PARD3: variants seen among roughly 807,000 people sequenced by gnomAD.
PARD3 encodes the protein partitioning defective 3 homolog.
A neutral mutation model predicts 155.4 loss-of-function variants in PARD3; 75 were observed. The ratio of observed to expected loss-of-function variants is 0.48; its 90% CI spans 0.40 to 0.58. The LOEUF is 0.58. Among genes scored for constraint, PARD3 ranks in the 20% least tolerant of loss-of-function variants. The pLI, the probability that PARD3 is intolerant of heterozygous loss-of-function variation, is 0.00. For missense variants in PARD3, 1,642 were observed against 1,721.7 expected (o/e 0.95, Z 0.82); for synonymous variants, 576 against 610.5 (o/e 0.94, Z 0.83).
chr10:34,227,983 T>C (rs1372314174), intron 22 of PARD3, among the ~76,000 whole-genome samples: 4 of 149,916 alleles, frequency 2.7e-5, no homozygotes, highest in Admixed American at 6.6e-5. Flanking sequence ...CATAGCACTA[T>C]TTACAATAGC....
intron 15 of PARD3, 35 bp from the exon 16 acceptor site, chr10:34,341,851 G>C: frequency 7.4e-7 from 1 of 1,344,494 alleles, no homozygotes; most frequent in Non-Finnish European, 1.0e-6. Context: ...GAAAATTCTA[G>C]ACATCGATCA....
intron 2 of PARD3, among the ~76,000 whole-genome samples, chr10:34,574,195 A>G (rs2086704773): frequency 6.6e-6 from 1 of 152,212 alleles, no homozygotes; most frequent in Admixed American, 6.5e-5. Context: ...TTTACAAAAT[A>G]TTGATTATAA....
intron 22 of PARD3, among the ~76,000 whole-genome samples, chr10:34,212,681 G>A (rs1200128662): frequency 1.3e-5 from 2 of 150,928 alleles, no homozygotes; most frequent in East Asian, 2.0e-4. Flanking sequence ...TCTGAGGGGG[G>A]CAAAGGCCGC....
At chr10:34,301,050 T>C (rs1957123207) in intron 20 of PARD3, among the ~76,000 whole-genome samples, 1 of 152,258 alleles carries the variant, frequency 6.6e-6, no homozygotes, top group Admixed American at 6.5e-5. Flanking sequence ...GTCATTTCTA[T>C]TGCTCAAAAA....
chr10:34,617,381 C>A (rs1417146262), intron 2 of PARD3, among the ~76,000 whole-genome samples: 1 of 152,072 alleles, frequency 6.6e-6, no homozygotes, highest in Non-Finnish European at 1.5e-5. Flanking sequence ...AAAATTACAG[C>A]TAGATAGGAA....
intron 1 of PARD3, among the ~76,000 whole-genome samples, chr10:34,716,585 C>CTTTTTTTTTTTTTTTTTTTTTTTTTTT: frequency 1.4e-5 from 1 of 73,248 alleles, no homozygotes; most frequent in Non-Finnish European, 2.5e-5. Context: ...GATGGCTTTT[C>CTTTTTTTTTTTTTTTTTTTTTTTTTTT]TTTTTTTTTT....
At chr10:34,221,342 T>C (rs2133474527) in intron 22 of PARD3, among the ~76,000 whole-genome samples, 1 of 151,118 alleles carries the variant, frequency 6.6e-6, no homozygotes, top group East Asian at 2.0e-4. Context: ...GCAGAGGTGC[T>C]GAGAGCCTCA....
intron 1 of PARD3, among the ~76,000 whole-genome samples, chr10:34,814,514 C>T (rs1411438523): frequency 6.6e-6 from 1 of 152,098 alleles, no homozygotes; most frequent in Non-Finnish European, 1.5e-5. Flanking sequence ...ATTTCCCGGC[C>T]TGCGCCCCCC....
intron 12 of PARD3, among the ~76,000 whole-genome samples, chr10:34,364,111 C>T (rs912165070): frequency 6.6e-6 from 1 of 152,098 alleles, no homozygotes; most frequent in Non-Finnish European, 1.5e-5. Flanking sequence ...CCCAAATCCA[C>T]AGTTAATCTG....
intron 20 of PARD3, among the ~76,000 whole-genome samples, chr10:34,296,157 C>T (rs559922382): frequency 2.0e-5 from 3 of 152,280 alleles, no homozygotes; most frequent in Admixed American, 6.5e-5. Context: ...TAGATTTACA[C>T]ATTAAGAGTT....
chr10:34,494,112 C>T (rs993907381), intron 3 of PARD3, among the ~76,000 whole-genome samples: 4 of 152,212 alleles, frequency 2.6e-5, no homozygotes, highest in African/African-American at 9.6e-5. Context: ...TCCCTACTCT[C>T]CCGTAGTCAC....
chr10:34,721,706 A>C (rs1272139575), intron 1 of PARD3, among the ~76,000 whole-genome samples: 4 of 152,242 alleles, frequency 2.6e-5, no homozygotes, highest in African/African-American at 9.6e-5. Flanking sequence ...AATTATGATA[A>C]AAATAAAGTG....
At chr10:34,498,741 C>A (rs1233123818) in intron 3 of PARD3, among the ~76,000 whole-genome samples, 1 of 152,062 alleles carries the variant, frequency 6.6e-6, no homozygotes, top group Non-Finnish European at 1.5e-5. Context: ...TGCACCACTG[C>A]ACTCCAGCCT....
intron 1 of PARD3, among the ~76,000 whole-genome samples, chr10:34,799,088 C>G (rs1212668278): frequency 6.6e-6 from 1 of 152,194 alleles, no homozygotes; most frequent in Non-Finnish European, 1.5e-5. Flanking sequence ...GTCACTCAGG[C>G]TGAAGTGCAG....
At chr10:34,415,805 G>A (rs2132356695) in intron 5 of PARD3, among the ~76,000 whole-genome samples, 1 of 152,208 alleles carries the variant, frequency 6.6e-6, no homozygotes, top group Middle Eastern at 3.4e-3. Context: ...ATTGCTATTT[G>A]GTGTTTTACA....
intron 2 of PARD3, among the ~76,000 whole-genome samples, chr10:34,668,704 G>A (rs1482556088): frequency 6.6e-6 from 1 of 152,138 alleles, no homozygotes; most frequent in African/African-American, 2.4e-5. Flanking sequence ...CAGGCACAGT[G>A]GCTCATGCCT....
intron 3 of PARD3, among the ~76,000 whole-genome samples, chr10:34,482,032 C>CTTT (rs58877037): frequency 0.058 from 5,854 of 101,470 alleles, 372 homozygotes; most frequent in African/African-American, 0.11. Flanking sequence ...TAATTTTTAT[C>CTTT]TTTTTTTTTT....
chr10:34,329,984 C>A (rs770205217), intron 19 of PARD3, among the ~76,000 whole-genome samples: 1 of 152,136 alleles, frequency 6.6e-6, no homozygotes, highest in East Asian at 1.9e-4. Context: ...CTTCTTCCCA[C>A]GAAAGTCTTT....
At chr10:34,635,600 C>A (rs1213799637) in intron 2 of PARD3, among the ~76,000 whole-genome samples, 1 of 152,196 alleles carries the variant, frequency 6.6e-6, no homozygotes, top group African/African-American at 2.4e-5. Context: ...ACACACCAAC[C>A]AAGTCTGCTA....
Sources: gnomAD v4.1 joint callset for allele counts (sites outside exome capture counted in the v4.1 genomes callset) on GRCh38, gnomAD v4.1.1 for gene constraint, MANE v1.5 for transcripts, NCBI Gene and HGNC (gene_info 2026-07-23, HGNC 2026-07-21) for gene names.